SLC38A1: variants seen among roughly 807,000 people sequenced by gnomAD.
SLC38A1 encodes the protein sodium-coupled neutral amino acid symporter 1.
Under a neutral mutation model 60.3 loss-of-function variants are expected in SLC38A1, and 18 were observed. The ratio of observed to expected loss-of-function variants is 0.30; its 90% CI spans 0.21 to 0.44. The LOEUF is 0.44. SLC38A1 is among the 20% of genes least tolerant of loss of function. The pLI, the probability that SLC38A1 is intolerant of heterozygous loss-of-function variation, is 1.00. For missense variants in SLC38A1, 448 were observed against 587.2 expected (o/e 0.76, Z 2.45); for synonymous variants, 196 against 212.1 (o/e 0.92, Z 0.66).
At chr12:46,227,181 C>T (rs1446726755) in intron 5 of SLC38A1, among the ~76,000 whole-genome samples, 1 of 152,086 alleles carries the variant, frequency 6.6e-6, no homozygotes, top group African/African-American at 2.4e-5. Flanking sequence ...AAAATTATTG[C>T]TAGTATAAAG....
intron 1 of SLC38A1, among the ~76,000 whole-genome samples, chr12:46,266,753 G>T (rs1372023140): frequency 6.6e-5 from 10 of 152,098 alleles, no homozygotes; most frequent in Non-Finnish European, 1.5e-4. Context: ...GCCCTCTGTA[G>T]AAAATGTTTA....
At chr12:46,244,478 T>A (rs1941548982) in intron 1 of SLC38A1, among the ~76,000 whole-genome samples, 1 of 152,216 alleles carries the variant, frequency 6.6e-6, no homozygotes, top group South Asian at 2.1e-4. Context: ...TAATTTAGAT[T>A]CCACCAATGG....
intron 1 of SLC38A1, among the ~76,000 whole-genome samples, chr12:46,261,827 A>G (rs1942205657): frequency 6.6e-6 from 1 of 152,218 alleles, no homozygotes; most frequent in African/African-American, 2.4e-5. Flanking sequence ...GTGGTTCTCA[A>G]CTGGGGACAA....
chr12:46,198,130 TA>T (rs1463163495), intron 14 of SLC38A1, 70 bp from the exon 15 acceptor site: 5 of 1,487,544 alleles, frequency 3.4e-6, no homozygotes, highest in Non-Finnish European at 4.6e-6. Flanking sequence ...CTCTGCAGAG[TA>T]ACTGATTTAT....
At chr12:46,253,907 C>G (rs923453306) in intron 1 of SLC38A1, among the ~76,000 whole-genome samples, 40 of 152,182 alleles carry the variant, frequency 2.6e-4, no homozygotes, top group African/African-American at 8.7e-4. Context: ...GAGACGCGCT[C>G]AGTCAGAAAG....
intron 12 of SLC38A1, among the ~76,000 whole-genome samples, chr12:46,202,241 A>G (rs9919795): frequency 0.52 from 78,876 of 151,310 alleles, 21,693 homozygotes; most frequent in African/African-American, 0.71. Flanking sequence ...CGCTTGAGAA[A>G]ATTAAAAACT....
rs1351924280 is a variant in SLC38A1, at chr12:46,185,619, T to A, written c.*3351A>T. The A allele has an allele frequency of 6.6e-6, 1 of 152,088 alleles. No individual in the cohort carries two copies. The highest frequency in any genetic ancestry group is 6.6e-5 in the Admixed American group (1 of 15,228). 9.4% of individuals were successfully genotyped at this position (152,088 alleles called of 1,614,324 possible). On this transcript the variant is annotated 3_prime_UTR_variant, in exon 17 of 17. Transcript: ENST00000398637. Reference sequence around the variant, plus strand: ...TTGGAGAAGCTATGCAGCAGCATCCTTTTCTGTGGTGGGCAGGGCAGGAGA... The same window carrying A: ...TTGGAGAAGCTATGCAGCAGCATCCATTTCTGTGGTGGGCAGGGCAGGAGA...
chr12:46,204,433 A>G lies in SLC38A1; in HGVS notation c.706-16T>C. Reference sequence around the variant, plus strand: ...TGTAAATAACCTGGTATTAAGAAGTATAGTAGAAGCAATATGGACTTTAGT... The same window carrying G: ...TGTAAATAACCTGGTATTAAGAAGTGTAGTAGAAGCAATATGGACTTTAGT... On this transcript the variant is annotated splice_polypyrimidine_tract_variant and intron_variant, in intron 10 of 16. Transcript: ENST00000398637. 1 of 1,597,056 alleles carries G rather than the reference A, an allele frequency of 6.3e-7. No individual in the cohort carries two copies. The highest frequency in any genetic ancestry group is 8.6e-7 in the Non-Finnish European group (1 of 1,164,674).
At chr12:46,235,133 T>C (rs1286378310) in intron 3 of SLC38A1, among the ~76,000 whole-genome samples, 2 of 152,196 alleles carry the variant, frequency 1.3e-5, no homozygotes, top group Non-Finnish European at 2.9e-5. Context: ...TAAGCTGTTA[T>C]ACTAAGGTAC....
In SLC38A1 at chr12:46,268,747, T is replaced by C; in HGVS notation, c.-430A>G. The stretch of plus-strand genomic sequence containing the variant: ...GGCTCCTGGCGACCTTCTGGCGGAG[T>C]GGCGTGGCCGCCCCAGTCCGCGCTC... On this transcript the variant is annotated 5_prime_UTR_variant, in exon 1 of 17. Transcript: ENST00000398637. The surrounding 1 kb of genome is among the most constrained non-coding windows in gnomAD (Gnocchi z 4.4). 3.2e-6 allele frequency: 1 copy of C among 308,908 alleles called. No homozygotes were observed. The allele number at this position is 308,908 out of a possible 1,614,324, so 19.1% of individuals were successfully genotyped here.
chr12:46,221,994 C>A (rs143258536), intron 5 of SLC38A1, among the ~76,000 whole-genome samples: 1 of 152,064 alleles, frequency 6.6e-6, no homozygotes, highest in South Asian at 2.1e-4. Flanking sequence ...AGTTTTAAGG[C>A]AGGCAGCCTC....
At chr12:46,250,227 C>T (rs997454366) in intron 1 of SLC38A1, among the ~76,000 whole-genome samples, 1 of 152,054 alleles carries the variant, frequency 6.6e-6, no homozygotes, top group Non-Finnish European at 1.5e-5. Context: ...ACAGAACCAA[C>T]CACAAAAACC....
intron 5 of SLC38A1, among the ~76,000 whole-genome samples, chr12:46,216,113 C>T (rs576867468): frequency 2.6e-5 from 4 of 152,284 alleles, no homozygotes; most frequent in African/African-American, 9.6e-5. Context: ...TACTTCTAGT[C>T]TACCTTTCTC....
In SLC38A1 at chr12:46,188,920, G is replaced by A. The variant is rs376478003; in HGVS notation, c.*50C>T. The A allele has an allele frequency of 2.8e-6, 4 of 1,449,868 alleles. No individual in the cohort carries two copies. In the African/African-American group the frequency reaches 5.6e-5, roughly 20 times the overall value. The allele number at this position is 1,449,868 out of a possible 1,614,324, so 89.8% of individuals were successfully genotyped here. On this transcript the variant is annotated 3_prime_UTR_variant, in exon 17 of 17. Transcript: ENST00000398637. The stretch of plus-strand genomic sequence containing the variant: ...AAGTGGTGAGAGATTGCTGATGTGT[G>A]GGGACTTGACTGAGCAGACAACAGG...
chr12:46,264,877 T>C (rs933201234), intron 1 of SLC38A1, among the ~76,000 whole-genome samples: 2 of 152,228 alleles, frequency 1.3e-5, no homozygotes, highest in African/African-American at 2.4e-5. Flanking sequence ...AGTACTTCTG[T>C]GCACATACTT....
intron 3 of SLC38A1, 39 bp from the exon 4 acceptor site, chr12:46,229,678 T>C (rs1258071085): frequency 1.3e-6 from 2 of 1,532,882 alleles, no homozygotes; most frequent in South Asian, 1.1e-5. Context: ...CTTATGATAA[T>C]GATTTGAAGC....
chr12:46,190,970 C>T (rs9795554), intron 16 of SLC38A1, among the ~76,000 whole-genome samples: 36,213 of 152,094 alleles, frequency 0.24, 4,704 homozygotes, highest in Admixed American at 0.32. Context: ...GCTTTTGTTG[C>T]CATTGCTTTT....
rs113818569 is a variant in SLC38A1, at chr12:46,208,582, T to C, written c.388+472A>G. On this transcript the variant is annotated intron_variant, in intron 6 of 16. Coordinates refer to ENST00000398637, the MANE Select transcript of SLC38A1 (RefSeq NM_030674.4). ...AAATAGAAAATAAACACTTCAGGTA[T>C]TACACTGCCCAGAGTACTTGAAGTC... 3.2e-3 allele frequency among the ~76,000 whole-genome samples: 491 copies of C among 152,334 alleles called. 5 individuals are homozygous for C. The highest frequency in any genetic ancestry group is 0.01 in the African/African-American group (432 of 41,572).
chr12:46,263,498 A>G (rs1942261423), intron 1 of SLC38A1, among the ~76,000 whole-genome samples: 1 of 152,208 alleles, frequency 6.6e-6, no homozygotes, highest in East Asian at 1.9e-4. Context: ...GTCACATAAA[A>G]TATGCCCACA....
Sources: allele counts gnomAD v4.1 joint callset (sites outside exome capture counted in the v4.1 genomes callset), GRCh38; gene constraint gnomAD v4.1.1; non-coding constraint Gnocchi (gnomAD v3.1); transcripts MANE v1.5; gene names NCBI Gene and HGNC (gene_info 2026-07-23, HGNC 2026-07-21).